Variants in NCKAP5 observed in about 807,000 individuals in gnomAD.
NCKAP5 encodes nck-associated protein 5.
Under a neutral mutation model 167.0 loss-of-function variants are expected in NCKAP5, and 92 were observed. That is an observed-to-expected ratio of 0.55 (90% CI 0.47 to 0.66). The LOEUF (loss-of-function observed/expected upper bound fraction) is 0.66, where lower values mean the gene tolerates loss of function less well. Ranked by LOEUF, NCKAP5 falls within the 30% of genes least tolerant of loss-of-function variation. The pLI is 0.00. For missense variants in NCKAP5, 2,378 were observed against 2,315.0 expected, an observed-to-expected ratio of 1.03 and a Z score of -0.56; for synonymous variants, 891 against 877.4, an observed-to-expected ratio of 1.02 and a Z score of -0.27.
intron 2 of NCKAP5, among the ~76,000 whole-genome samples, chr2:133,535,003 CT>C (rs1041678566): frequency 1.3e-5 from 2 of 152,112 alleles, no homozygotes; most frequent in African/African-American, 4.8e-5. Flanking sequence ...TGCCCACCTT[CT>C]TTTTTTAACT....
At chr2:133,221,144 A>C (rs1349326094) in intron 4 of NCKAP5, among the ~76,000 whole-genome samples, 1 of 152,184 alleles carries the variant, frequency 6.6e-6, no homozygotes, top group Non-Finnish European at 1.5e-5. Context: ...TGATCACTTG[A>C]TCTTTCCAGG....
upstream of NCKAP5, among the ~76,000 whole-genome samples, chr2:133,572,664 G>T (rs1181713194): frequency 6.6e-6 from 1 of 152,196 alleles, no homozygotes; most frequent in South Asian, 2.1e-4. Flanking sequence ...TTCTACCAGG[G>T]CTTAAGAGAC....
At chr2:133,513,833 T>C (rs1012944602) in intron 3 of NCKAP5, among the ~76,000 whole-genome samples, 5 of 152,188 alleles carry the variant, frequency 3.3e-5, no homozygotes, top group Admixed American at 2.6e-4. Context: ...AAAAGCTAAA[T>C]GTATTTCCCA....
At chr2:133,098,063 C>T (rs963311545) in intron 6 of NCKAP5, among the ~76,000 whole-genome samples, 2 of 152,068 alleles carry the variant, frequency 1.3e-5, no homozygotes, top group African/African-American at 2.4e-5. Context: ...AATTTGTTTT[C>T]CTCAAAGCAA....
chr2:133,272,789 A>T (rs1422447912), intron 4 of NCKAP5, among the ~76,000 whole-genome samples: 1 of 152,182 alleles, frequency 6.6e-6, no homozygotes, highest in African/African-American at 2.4e-5. Flanking sequence ...GACACTTAGT[A>T]TAAATGGAAT....
At chr2:133,460,553 T>A (rs1452181313) in intron 3 of NCKAP5, among the ~76,000 whole-genome samples, 1 of 152,196 alleles carries the variant, frequency 6.6e-6, no homozygotes, top group African/African-American at 2.4e-5. Flanking sequence ...ATAGAATAAT[T>A]GTCGCTCATT....
intron 4 of NCKAP5, among the ~76,000 whole-genome samples, chr2:133,216,406 A>G (rs1458088469): frequency 6.6e-6 from 1 of 152,160 alleles, no homozygotes; most frequent in Non-Finnish European, 1.5e-5. Context: ...AAGTTGAACC[A>G]AAATAAATTA....
intron 3 of NCKAP5, among the ~76,000 whole-genome samples, chr2:133,355,807 C>T (rs921335036): frequency 3.3e-5 from 5 of 152,110 alleles, no homozygotes; most frequent in Non-Finnish European, 5.9e-5. Flanking sequence ...GTATAATCAC[C>T]TCACATATTT....
chr2:133,190,340 C>T (rs1366314577), intron 5 of NCKAP5, among the ~76,000 whole-genome samples: 4 of 152,134 alleles, frequency 2.6e-5, no homozygotes, highest in Non-Finnish European at 4.4e-5. Context: ...CTGAAAATGG[C>T]CATACTGCCC....
intron 6 of NCKAP5, among the ~76,000 whole-genome samples, chr2:133,111,565 A>C (rs2081912630): frequency 6.6e-6 from 1 of 152,216 alleles, no homozygotes; most frequent in South Asian, 2.1e-4. Context: ...GAATGTGCAC[A>C]GGTAGAACCT....
chr2:133,552,784 G>A (rs548715375), intron 2 of NCKAP5, among the ~76,000 whole-genome samples: 7 of 151,290 alleles, frequency 4.6e-5, no homozygotes, highest in East Asian at 1.9e-4. Context: ...ATTGAGAAGC[G>A]GGTGGGGCAA....
intron 11 of NCKAP5, among the ~76,000 whole-genome samples, chr2:132,859,702 C>T (rs555704136): frequency 2.0e-5 from 3 of 152,320 alleles, no homozygotes; most frequent in South Asian, 4.1e-4. Context: ...CCTGTGAAAC[C>T]TCGATGCAGT....
chr2:132,773,661 C>G (rs370609450), intron 16 of NCKAP5, among the ~76,000 whole-genome samples, 155 bp downstream of exon 16: 6 of 152,222 alleles, frequency 3.9e-5, no homozygotes, highest in African/African-American at 1.4e-4. Context: ...TTTATGGTAA[C>G]GTCCAATGTC....
chr2:133,295,931 C>G (rs1317510689), intron 4 of NCKAP5, among the ~76,000 whole-genome samples: 1 of 152,174 alleles, frequency 6.6e-6, no homozygotes, highest in African/African-American at 2.4e-5. Context: ...TTTGATAAAA[C>G]TGTCACCAAT....
chr2:132,852,292 G>T (rs1689138055), intron 11 of NCKAP5, among the ~76,000 whole-genome samples: 1 of 152,146 alleles, frequency 6.6e-6, no homozygotes, highest in Non-Finnish European at 1.5e-5. Flanking sequence ...GCTACAGGGT[G>T]CATTTTGTGA....
At chr2:133,319,836 A>G (rs1425084473) in intron 3 of NCKAP5, among the ~76,000 whole-genome samples, 3 of 152,230 alleles carry the variant, frequency 2.0e-5, no homozygotes, top group Non-Finnish European at 4.4e-5. Flanking sequence ...TGCAAATGCT[A>G]TATAATTAGT....
At chr2:133,519,090 G>T (rs924928823) in intron 2 of NCKAP5, among the ~76,000 whole-genome samples, 1 of 152,210 alleles carries the variant, frequency 6.6e-6, no homozygotes, top group African/African-American at 2.4e-5. Context: ...CCCACAGGAT[G>T]TGGGCTGTCT....
rs560741115 is a variant in NCKAP5, at chr2:132,675,297, A to G, written c.5714-1992T>C. On this transcript the variant is annotated intron_variant, in intron 19 of 19. Transcript: ENST00000409261. ...TTGGCCCTTTCACGGGCTGAGTGCT[A>G]CAAGCATCCTTCTTCAGGTGTAAAA... Among the ~76,000 whole-genome samples the G allele has an allele frequency of 1.5e-4, 23 of 152,358 alleles. 1 individual carries two copies. In the South Asian group the frequency reaches 4.8e-3, roughly 32 times the overall value.
chr2:133,533,835 TCAAAGA>T (rs1278725090), intron 2 of NCKAP5, among the ~76,000 whole-genome samples: 6 of 151,706 alleles, frequency 4.0e-5, no homozygotes, highest in African/African-American at 1.5e-4. Flanking sequence ...AGTCTCTCCT[TCAAAGA>T]CAATTTTATT....
Sources: allele counts gnomAD v4.1 joint callset (sites outside exome capture counted in the v4.1 genomes callset), GRCh38; gene constraint gnomAD v4.1.1; transcripts MANE v1.5; gene names NCBI Gene and HGNC (gene_info 2026-07-23, HGNC 2026-07-21).